The following SEMA5A variants were observed in gnomAD, a reference collection of about 807,000 sequenced individuals.
SEMA5A encodes the protein semaphorin 5A.
A neutral mutation model predicts 135.5 loss-of-function variants in SEMA5A; 55 were observed. That is an observed-to-expected ratio of 0.41 (90% CI 0.33 to 0.51). The LOEUF is 0.51. Ranked by LOEUF, SEMA5A falls within the 20% of genes least tolerant of loss-of-function variation. SEMA5A has a pLI of 0.37. For missense variants in SEMA5A, 1,290 were observed against 1,419.9 expected, an observed-to-expected ratio of 0.91 and a Z score of 1.47; for synonymous variants, 580 against 546.5, an observed-to-expected ratio of 1.06 and a Z score of -0.85.
In SEMA5A at chr5:9,054,130, C is replaced by T; in HGVS notation, c.2646G>A (p.Gly882=). 2 of 1,613,844 alleles carry T rather than the reference C, an allele frequency of 1.2e-6. No individual in the cohort carries two copies. Among genetic ancestry groups the T allele is most frequent in the Non-Finnish European group, 1.7e-6 (2 of 1,179,888 alleles). Residue 882 remains glycine, a synonymous_variant, in exon 19 of 23, where the codon GGG becomes GGA. Coordinates refer to ENST00000382496, the MANE Select transcript of SEMA5A (RefSeq NM_003966.3). ...TGCAGAGTGCCTCTTCTGTGTGCAG[C>T]CCCAGGCAGATGTCCCCTCCATAGG... The part of the protein sequence containing the change: ...APAYGGDICL[G]LHTEEALCNT...
chr5:9,322,879 C>A (rs1470342511), intron 4 of SEMA5A, among the ~76,000 whole-genome samples: 1 of 152,140 alleles, frequency 6.6e-6, no homozygotes, highest in Non-Finnish European at 1.5e-5. Context: ...ATGCTACTAC[C>A]ATTTCATAAC....
Position 9,303,968 on chromosome 5 carries a change from T to C in SEMA5A, c.270+14404A>G, listed in dbSNP as rs570996152. The stretch of plus-strand genomic sequence containing the variant: ...CTTTTGTAAAAGATAGATCACTTGT[T>C]GAAGAAAAACAAAATAGACATGGAA... On this transcript the variant is annotated intron_variant, in intron 5 of 22. Coordinates refer to ENST00000382496, the MANE Select transcript of SEMA5A (RefSeq NM_003966.3). Among the ~76,000 whole-genome samples, 3 of 152,184 alleles carry C rather than the reference T, an allele frequency of 2.0e-5. No homozygotes were observed. In the South Asian group the frequency reaches 6.2e-4, roughly 32 times the overall value.
chr5:9,330,643 A>G (rs1455332884), intron 4 of SEMA5A, among the ~76,000 whole-genome samples: 1 of 152,156 alleles, frequency 6.6e-6, no homozygotes, highest in East Asian at 1.9e-4. Flanking sequence ...GTTGGACAAA[A>G]GGTAACAAAG....
At chr5:9,464,195 G>A (rs1759169135) in intron 1 of SEMA5A, among the ~76,000 whole-genome samples, 1 of 152,140 alleles carries the variant, frequency 6.6e-6, no homozygotes, top group African/African-American at 2.4e-5. Context: ...AGTTGCCCCT[G>A]ATTAAAAGCC....
intron 3 of SEMA5A, among the ~76,000 whole-genome samples, chr5:9,361,298 CAAA>C (rs35091885): frequency 3.1e-5 from 4 of 127,786 alleles, no homozygotes; most frequent in African/African-American, 3.1e-5. Context: ...GACTCTGTCT[CAAA>C]AAAAAAAAAA....
chr5:9,442,570 G>T (rs1256247966), intron 1 of SEMA5A, among the ~76,000 whole-genome samples: 1 of 152,072 alleles, frequency 6.6e-6, no homozygotes, highest in Non-Finnish European at 1.5e-5. Context: ...GATCCTGAGG[G>T]TGCCCATGAG....
rs1330709039 is a variant in SEMA5A at position 9,154,582 on chromosome 5, G to T, written c.1387C>A (p.Gln463Lys). 6.2e-7 allele frequency: 1 copy of T among 1,613,732 alleles called. No individual in the cohort carries two copies. Among genetic ancestry groups the T allele is most frequent in the Admixed American group, 1.7e-5 (1 of 60,028 alleles). Reference sequence around the variant, plus strand: ...AGGACACTCTGGCTGTGCAGGATCTGCAGGCTCCTGATGGGCTCCCTCCGC... The same window carrying T: ...AGGACACTCTGGCTGTGCAGGATCTTCAGGCTCCTGATGGGCTCCCTCCGC... The part of the protein sequence containing the change: ...ERRREPIRSL[Q>K]ILHSQSVLFV... The change falls in exon 12 of 23, where the codon CAG becomes AAG. Residue 463 changes from glutamine (Q) to lysine (K), a missense_variant. Transcript: ENST00000382496.
At chr5:9,120,807 T>C (rs1740774573) in intron 14 of SEMA5A, among the ~76,000 whole-genome samples, 2 of 148,686 alleles carry the variant, frequency 1.3e-5, no homozygotes, top group South Asian at 4.2e-4. Context: ...TGAGACAGAG[T>C]CTCGCTCTGT....
intron 8 of SEMA5A, among the ~76,000 whole-genome samples, chr5:9,216,808 C>T (rs957967600): frequency 2.0e-5 from 3 of 152,108 alleles, no homozygotes; most frequent in Non-Finnish European, 4.4e-5. Context: ...CAAACCCTGC[C>T]TTTTTCTCTT....
chr5:9,500,517 ACAT>A (rs560760512), intron 1 of SEMA5A, among the ~76,000 whole-genome samples: 171 of 152,316 alleles, frequency 1.1e-3, no homozygotes, highest in African/African-American at 3.9e-3. Flanking sequence ...ACTGATCCAG[ACAT>A]CATCCCACTC....
chr5:9,104,787 G>A (rs1415375653), intron 16 of SEMA5A, among the ~76,000 whole-genome samples: 3 of 152,306 alleles, frequency 2.0e-5, no homozygotes, highest in African/African-American at 7.2e-5. Context: ...ATGCAGACCT[G>A]GAGAGCAGCA....
intron 1 of SEMA5A, among the ~76,000 whole-genome samples, chr5:9,456,782 T>C (rs1758853430): frequency 6.6e-6 from 1 of 152,204 alleles, no homozygotes; most frequent in Admixed American, 6.5e-5. Context: ...GCACTGGCTC[T>C]CAGCAGACAT....
rs115069256 is a variant in SEMA5A at position 9,520,872 on chromosome 5, C to G, written c.-175+24712G>C. 3.3e-3 allele frequency among the ~76,000 whole-genome samples: 501 copies of G among 152,276 alleles called. 1 individual carries two copies. The highest frequency in any genetic ancestry group is 0.012 in the African/African-American group (483 of 41,554). On this transcript the variant is annotated intron_variant, in intron 1 of 22. Transcript: ENST00000382496. ...GCCAAGAGAAGCCTAAGGAGACAGG[C>G]AGCTAACTGCAATGGAGGGTCCTGC... is the stretch of plus-strand genomic sequence containing the variant.
intron 12 of SEMA5A, among the ~76,000 whole-genome samples, chr5:9,150,819 G>A (rs75495192): frequency 0.023 from 3,557 of 152,324 alleles, 66 homozygotes; most frequent in Non-Finnish European, 0.034. Flanking sequence ...AGGGGGTTGA[G>A]CCTCTCTCAG....
intron 5 of SEMA5A, among the ~76,000 whole-genome samples, chr5:9,314,104 T>G (rs867442796): frequency 6.6e-6 from 1 of 152,152 alleles, no homozygotes; most frequent in African/African-American, 2.4e-5. Context: ...TTTTTCTACA[T>G]TTAAACAATA....
intron 11 of SEMA5A, 56 bp from the exon 12 acceptor site, chr5:9,154,751 C>A: frequency 1.4e-6 from 2 of 1,463,976 alleles, no homozygotes; most frequent in Non-Finnish European, 1.9e-6. Flanking sequence ...ACAAACCAAT[C>A]CCTGGTTAAA....
intron 1 of SEMA5A, among the ~76,000 whole-genome samples, chr5:9,540,270 G>A (rs530729630): frequency 2.8e-4 from 43 of 152,230 alleles, no homozygotes; most frequent in African/African-American, 9.9e-4. Flanking sequence ...AAGAAATAAA[G>A]GCAGTGCGTG....
At chr5:9,474,078 T>C (rs1449329614) in intron 1 of SEMA5A, among the ~76,000 whole-genome samples, 1 of 152,030 alleles carries the variant, frequency 6.6e-6, no homozygotes, top group African/African-American at 2.4e-5. Context: ...TTTTTAAATA[T>C]TAGAAAGACG....
chr5:9,218,224 A>T lies in SEMA5A; in HGVS notation c.646+6450T>A, dbSNP rs112948122. ...GTTAAAAATTAAATAAATATTTTTT[A>T]AAAAAAGAGAATAAATTTCTATTGT... is the stretch of plus-strand genomic sequence containing the variant. On this transcript the variant is annotated intron_variant, in intron 8 of 22. Transcript: ENST00000382496. Among the ~76,000 whole-genome samples the T allele has an allele frequency of 7.8e-3, 1,194 of 152,262 alleles. 15 individuals carry two copies. The highest frequency in any genetic ancestry group is 0.027 in the African/African-American group (1,113 of 41,532).
Sources: allele counts gnomAD v4.1 joint callset (sites outside exome capture counted in the v4.1 genomes callset), GRCh38; gene constraint gnomAD v4.1.1; transcripts MANE v1.5; gene names NCBI Gene and HGNC (gene_info 2026-07-23, HGNC 2026-07-21).